Variants in PGM5 observed in about 807,000 individuals in gnomAD.
PGM5 encodes phosphoglucomutase 5, also known as phosphoglucomutase-like protein 5.
Under a neutral mutation model 59.2 loss-of-function variants are expected in PGM5, and 23 were observed. That is an observed-to-expected ratio of 0.39 (90% CI 0.28 to 0.55). PGM5 has a LOEUF of 0.55. PGM5 is among the 20% of genes least tolerant of loss of function. The pLI is 0.66. For missense variants in PGM5, 574 were observed against 748.3 expected (o/e 0.77, Z 2.72); for synonymous variants, 214 against 286.0 (o/e 0.75, Z 2.54).
At chr9:68,472,114 A>T (rs1002423044) in intron 7 of PGM5, among the ~76,000 whole-genome samples, 16 of 152,172 alleles carry the variant, frequency 1.1e-4, no homozygotes, top group African/African-American at 3.9e-4. Context: ...CCTAAGTGAT[A>T]GACACAATTC....
chr9:68,405,501 T>C (rs1283697753), intron 6 of PGM5: 1 of 152,424 alleles, frequency 6.6e-6, no homozygotes, highest in East Asian at 1.9e-4. Flanking sequence ...TAACTGACAG[T>C]GGTATTCAAA....
rs548013356 is a variant in PGM5, at chr9:68,523,234, G to A, written c.1615-6333G>A. On this transcript the variant is annotated intron_variant, in intron 10 of 10. Coordinates refer to ENST00000396396, the MANE Select transcript of PGM5 (RefSeq NM_021965.4). ...TGCAAACAATGCAGCCTGGGTTTGGGCTGGAGCAAAGCATTTGACAGGCAC... is the reference window on the plus strand; with the variant it reads ...TGCAAACAATGCAGCCTGGGTTTGGACTGGAGCAAAGCATTTGACAGGCAC... Among the ~76,000 whole-genome samples the A allele has an allele frequency of 2.0e-5, 3 of 152,282 alleles. No homozygotes were observed. In the East Asian group the frequency reaches 5.8e-4, roughly 29 times the overall value.
intron 6 of PGM5, among the ~76,000 whole-genome samples, chr9:68,417,570 T>A (rs1823056221): frequency 6.6e-6 from 1 of 152,166 alleles, no homozygotes; most frequent in African/African-American, 2.4e-5. Flanking sequence ...GATAGGCATT[T>A]TTAACCCCAA....
At chr9:68,436,799 A>T (rs180719353) in intron 6 of PGM5, among the ~76,000 whole-genome samples, 64 of 152,346 alleles carry the variant, frequency 4.2e-4, no homozygotes, top group Non-Finnish European at 6.5e-4. Flanking sequence ...CCAGAGCTCA[A>T]GGTCATGTTT....
At chr9:68,409,051 C>T (rs200076144) in intron 6 of PGM5, among the ~76,000 whole-genome samples, 12 of 152,070 alleles carry the variant, frequency 7.9e-5, no homozygotes, top group East Asian at 1.9e-4. Flanking sequence ...ATTGACTTGG[C>T]GATGCGGGCT....
At chr9:68,507,153 CT>C (rs1367961645) in intron 10 of PGM5, among the ~76,000 whole-genome samples, 6 of 152,070 alleles carry the variant, frequency 3.9e-5, no homozygotes, top group Admixed American at 2.6e-4. Context: ...CACTTTGGAA[CT>C]ATGGGGGAGG....
At chr9:68,516,165 T>C (rs1824820596) in intron 10 of PGM5, among the ~76,000 whole-genome samples, 1 of 152,216 alleles carries the variant, frequency 6.6e-6, no homozygotes, top group African/African-American at 2.4e-5. Flanking sequence ...GCCCAAGACC[T>C]TAACTAAGGT....
intron 9 of PGM5, among the ~76,000 whole-genome samples, chr9:68,484,919 C>T (rs1824270487): frequency 6.6e-6 from 1 of 152,124 alleles, no homozygotes; most frequent in Non-Finnish European, 1.5e-5. Context: ...ATTTTACAAA[C>T]TTTTCTTAGA....
intron 6 of PGM5, among the ~76,000 whole-genome samples, chr9:68,417,429 C>T (rs375508650): frequency 2.6e-4 from 40 of 151,610 alleles, no homozygotes; most frequent in Admixed American, 1.3e-3. Context: ...GCCCGGGGGA[C>T]GTGTGAAATG....
intron 7 of PGM5, among the ~76,000 whole-genome samples, chr9:68,469,978 C>G (rs1823995583): frequency 6.6e-6 from 1 of 152,006 alleles, no homozygotes; most frequent in South Asian, 2.1e-4. Context: ...CAAAATCACA[C>G]AAATACAGAC....
At chr9:68,362,372 A>G (rs151009436) in intron 1 of PGM5, among the ~76,000 whole-genome samples, 8,206 of 151,914 alleles carry the variant, frequency 0.054, 605 homozygotes, top group African/African-American at 0.19. Context: ...TTTAATTTGA[A>G]TGGATTAGGG....
At chr9:68,470,914 G>A (rs901905969) in intron 7 of PGM5, among the ~76,000 whole-genome samples, 2 of 152,322 alleles carry the variant, frequency 1.3e-5, no homozygotes, top group South Asian at 2.1e-4. Context: ...TGACACCCCC[G>A]TGAGCCTTCT....
At chr9:68,500,958 C>T (rs1824563925) in intron 10 of PGM5, among the ~76,000 whole-genome samples, 1 of 147,448 alleles carries the variant, frequency 6.8e-6, no homozygotes, top group African/African-American at 2.5e-5. Flanking sequence ...AAAAGCAGTG[C>T]TTTTTTTTTT....
chr9:68,520,868 G>A (rs1824891494), intron 10 of PGM5, among the ~76,000 whole-genome samples: 1 of 152,164 alleles, frequency 6.6e-6, no homozygotes, highest in Non-Finnish European at 1.5e-5. Context: ...ACAAGCATCA[G>A]TTTTACATAT....
intron 6 of PGM5, among the ~76,000 whole-genome samples, chr9:68,459,011 A>G (rs1823819450): frequency 6.6e-6 from 1 of 152,302 alleles, no homozygotes; most frequent in Admixed American, 6.5e-5. Flanking sequence ...GAGTGAACTC[A>G]TCAATGTGAA....
chr9:68,516,145 G>C (rs555659380), intron 10 of PGM5, among the ~76,000 whole-genome samples: 41 of 152,234 alleles, frequency 2.7e-4, no homozygotes, highest in African/African-American at 9.6e-4. Context: ...ACCTAGATTT[G>C]GGCCTCAGAG....
intron 7 of PGM5, among the ~76,000 whole-genome samples, chr9:68,477,075 G>T (rs1264397727): frequency 6.6e-6 from 1 of 152,156 alleles, no homozygotes; most frequent in Non-Finnish European, 1.5e-5. Flanking sequence ...GTTGGCCATG[G>T]AGCTAACTCA....
intron 10 of PGM5, among the ~76,000 whole-genome samples, chr9:68,515,165 T>TA (rs1289494654): frequency 1.3e-5 from 2 of 152,236 alleles, no homozygotes; most frequent in African/African-American, 4.8e-5. Flanking sequence ...TTAGGTTAAA[T>TA]GGCAGCTGAG....
At chr9:68,506,439 G>A (rs1824656241) in intron 10 of PGM5, among the ~76,000 whole-genome samples, 1 of 152,178 alleles carries the variant, frequency 6.6e-6, no homozygotes, top group Non-Finnish European at 1.5e-5. Context: ...AAGGCTGCCT[G>A]ATTCAAGAAT....
Sources: gnomAD v4.1 joint callset for allele counts (sites outside exome capture counted in the v4.1 genomes callset) on GRCh38, gnomAD v4.1.1 for gene constraint, MANE v1.5 for transcripts, NCBI Gene and HGNC (gene_info 2026-07-23, HGNC 2026-07-21) for gene names.